GALNTL6: variants seen among roughly 807,000 people sequenced by gnomAD.
GALNTL6 encodes polypeptide N-acetylgalactosaminyltransferase-like 6.
Under a neutral mutation model 73.7 loss-of-function variants are expected in GALNTL6, and 46 were observed. That is an observed-to-expected ratio of 0.62 (90% CI 0.49 to 0.80). The LOEUF (loss-of-function observed/expected upper bound fraction) is 0.80, where lower values mean the gene tolerates loss of function less well. GALNTL6 is among the 30% of genes least tolerant of loss of function. The pLI is 0.00. For missense variants in GALNTL6, 604 were observed against 755.0 expected (o/e 0.80, Z 2.34); for synonymous variants, 259 against 263.7 (o/e 0.98, Z 0.17).
chr4:172,348,767 TG>T (rs1262926534), intron 5 of GALNTL6, 78 bp downstream of exon 5: 75 of 875,760 alleles, frequency 8.6e-5, no homozygotes, highest in Non-Finnish European at 1.3e-5. Context: ...AAAAAGACAA[TG>T]GGAGCTTCTT....
At chr4:173,018,883 T>A (rs1752883251) in intron 11 of GALNTL6, among the ~76,000 whole-genome samples, 1 of 152,210 alleles carries the variant, frequency 6.6e-6, no homozygotes, top group South Asian at 2.1e-4. Flanking sequence ...AGGGGTTATG[T>A]GAAAAGGTTG....
At chr4:172,164,812 T>C (rs894529383) in intron 2 of GALNTL6, among the ~76,000 whole-genome samples, 3 of 152,214 alleles carry the variant, frequency 2.0e-5, no homozygotes, top group Non-Finnish European at 2.9e-5. Context: ...TAGAGTGTTA[T>C]GTAAATGTTT....
intron 7 of GALNTL6, among the ~76,000 whole-genome samples, chr4:172,841,708 T>A (rs547862889): frequency 6.6e-6 from 1 of 152,268 alleles, no homozygotes; most frequent in South Asian, 2.1e-4. Flanking sequence ...CCACTCACTA[T>A]CGCAAGAACA....
chr4:171,855,098 T>G (rs1423507822), intron 2 of GALNTL6, among the ~76,000 whole-genome samples: 2 of 152,200 alleles, frequency 1.3e-5, no homozygotes, highest in African/African-American at 4.8e-5. Flanking sequence ...GTGTTATAAT[T>G]AATTAGCCAG....
At chr4:172,498,068 G>A (rs1055968754) in intron 5 of GALNTL6, among the ~76,000 whole-genome samples, 4 of 137,814 alleles carry the variant, frequency 2.9e-5, no homozygotes, top group African/African-American at 1.1e-4. Flanking sequence ...TCAGCTCACT[G>A]TAACCTCCGC....
intron 12 of GALNTL6, among the ~76,000 whole-genome samples, chr4:173,039,590 T>C (rs1222614175): frequency 5.3e-5 from 8 of 152,186 alleles, no homozygotes; most frequent in African/African-American, 1.4e-4. Context: ...AGCAACCCCA[T>C]ATACTTACTA....
intron 8 of GALNTL6, among the ~76,000 whole-genome samples, chr4:172,898,908 T>C (rs1746477830): frequency 6.6e-6 from 1 of 152,198 alleles, no homozygotes; most frequent in Non-Finnish European, 1.5e-5. Flanking sequence ...TAACCAGTTA[T>C]GTTATCTATA....
At chr4:172,521,207 G>A (rs1734763776) in intron 5 of GALNTL6, among the ~76,000 whole-genome samples, 1 of 152,048 alleles carries the variant, frequency 6.6e-6, no homozygotes, top group South Asian at 2.1e-4. Flanking sequence ...TTTAAAATGA[G>A]AATACTAAAC....
chr4:171,852,138 A>G (rs1202223585), intron 2 of GALNTL6, among the ~76,000 whole-genome samples: 1 of 152,236 alleles, frequency 6.6e-6, no homozygotes, highest in East Asian at 1.9e-4. Flanking sequence ...ACTGAAATAC[A>G]TACAGACTCA....
intron 2 of GALNTL6, among the ~76,000 whole-genome samples, chr4:172,034,959 C>G (rs1322415465): frequency 6.6e-6 from 1 of 152,020 alleles, no homozygotes; most frequent in Non-Finnish European, 1.5e-5. Flanking sequence ...ATGTACAATT[C>G]CTAAACTCCT....
chr4:171,870,928 T>C (rs940404511), intron 2 of GALNTL6, among the ~76,000 whole-genome samples: 3 of 152,146 alleles, frequency 2.0e-5, no homozygotes, highest in African/African-American at 7.2e-5. Flanking sequence ...AGATAGTAAA[T>C]TTCTGTTGTT....
intron 5 of GALNTL6, among the ~76,000 whole-genome samples, chr4:172,538,558 G>A (rs1343245567): frequency 6.6e-6 from 1 of 152,128 alleles, no homozygotes; most frequent in Non-Finnish European, 1.5e-5. Flanking sequence ...AATGAATGCT[G>A]GGTGGGAGAA....
At chr4:172,872,864 T>C (rs954805375) in intron 7 of GALNTL6, among the ~76,000 whole-genome samples, 1 of 152,198 alleles carries the variant, frequency 6.6e-6, no homozygotes, top group Non-Finnish European at 1.5e-5. Flanking sequence ...GCCAATTTTA[T>C]CTCTTAAATA....
intron 5 of GALNTL6, among the ~76,000 whole-genome samples, chr4:172,564,696 CTA>C (rs1191524315): frequency 6.6e-6 from 1 of 152,132 alleles, no homozygotes; most frequent in East Asian, 1.9e-4. Context: ...TAAAAACAAA[CTA>C]ATTGCATAGG....
At chr4:172,058,727 C>G (rs1731105455) in intron 2 of GALNTL6, among the ~76,000 whole-genome samples, 1 of 152,124 alleles carries the variant, frequency 6.6e-6, no homozygotes, top group Admixed American at 6.6e-5. Flanking sequence ...TTCCTCTAAT[C>G]AAGTAGTTGC....
intron 2 of GALNTL6, among the ~76,000 whole-genome samples, chr4:171,924,211 CACAA>C (rs1254858029): frequency 2.7e-5 from 4 of 149,918 alleles, no homozygotes; most frequent in African/African-American, 5.0e-5. Context: ...CACACACACA[CACAA>C]ACACACACAC....
chr4:172,145,301 A>T (rs1826310), intron 2 of GALNTL6, among the ~76,000 whole-genome samples: 1 of 151,978 alleles, frequency 6.6e-6, no homozygotes, highest in Non-Finnish European at 1.5e-5. Context: ...CACTACGCCC[A>T]GCTAATTTTT....
intron 2 of GALNTL6, among the ~76,000 whole-genome samples, chr4:171,826,070 A>G (rs533193519): frequency 1.2e-4 from 18 of 152,316 alleles, no homozygotes; most frequent in Admixed American, 3.3e-4. Context: ...AAACTGGTAC[A>G]GTGAAACATA....
At chr4:172,106,692 G>A (rs1195478858) in intron 2 of GALNTL6, among the ~76,000 whole-genome samples, 2 of 151,982 alleles carry the variant, frequency 1.3e-5, no homozygotes, top group African/African-American at 4.8e-5. Flanking sequence ...GTGAAGTATT[G>A]GAGCAGTACA....
Sources: allele counts gnomAD v4.1 joint callset (sites outside exome capture counted in the v4.1 genomes callset), GRCh38; gene constraint gnomAD v4.1.1; transcripts MANE v1.5; gene names NCBI Gene and HGNC (gene_info 2026-07-23, HGNC 2026-07-21).